OTULIN: variants seen among roughly 807,000 people sequenced by gnomAD.
The protein encoded by OTULIN is OTU deubiquitinase with linear linkage specificity.
A neutral mutation model predicts 39.6 loss-of-function variants in OTULIN; 15 were observed. The observed-to-expected ratio is 0.38, with a 90% CI of 0.25 to 0.58. The LOEUF (loss-of-function observed/expected upper bound fraction) is 0.58, where lower values mean the gene tolerates loss of function less well. Ranked by LOEUF, OTULIN falls within the 20% of genes least tolerant of loss-of-function variation. OTULIN has a pLI of 0.66. For synonymous variants in OTULIN, 156 were observed against 170.3 expected, an observed-to-expected ratio of 0.92 and a Z score of 0.65; for missense variants, 319 against 445.9, an observed-to-expected ratio of 0.72 and a Z score of 2.56.
At position 14,690,370 on chromosome 5, in the gene OTULIN, A is replaced by G; in HGVS notation, c.864+62A>G. 2 of 1,562,236 alleles carry G rather than the reference A, an allele frequency of 1.3e-6. No individual in the cohort carries two copies. Among genetic ancestry groups the G allele is most frequent in the East Asian group, 4.5e-5 (2 of 44,400 alleles). ...AAAGCAGCTTTACTGATCAAACTTGATGTCACAGTTTTTGTAGGTCAGAAA... is the reference window on the plus strand; with the variant it reads ...AAAGCAGCTTTACTGATCAAACTTGGTGTCACAGTTTTTGTAGGTCAGAAA... On this transcript the variant is annotated intron_variant, in intron 6 of 6. Transcript: ENST00000284274. This position sits in a 1 kb window ranked among gnomAD's most constrained non-coding sequence, Gnocchi z 4.5.
At position 14,690,265 on chromosome 5, in the gene OTULIN, G is replaced by A; in HGVS notation, c.821G>A (p.Arg274Lys). ...TCAAATGACCCAGGACAGCTTCTGAGGAACCACCTCAACCAGGTGGGACAC... is the reference window on the plus strand; with the variant it reads ...TCAAATGACCCAGGACAGCTTCTGAAGAACCACCTCAACCAGGTGGGACAC... ...DTSNDPGQLLRNHLNQVGHTG... is the reference protein window; with the variant it reads ...DTSNDPGQLLKNHLNQVGHTG... Residue 274 changes from arginine (R) to lysine (K), a missense_variant, in exon 6 of 7, where the codon AGG becomes AAG. By Grantham distance (26) the Arg-to-Lys change is conservative. This residue lies in a region of OTULIN where 106 missense variants were observed against 192.8 expected (regional missense o/e 0.55). Coordinates refer to ENST00000284274, the MANE Select transcript of OTULIN (RefSeq NM_138348.6). This position sits in a 1 kb window ranked among gnomAD's most constrained non-coding sequence, Gnocchi z 4.5. 6.2e-7 allele frequency: 1 copy of A among 1,614,160 alleles called. No homozygotes were observed. Among genetic ancestry groups the A allele is most frequent in the Non-Finnish European group, 8.5e-7 (1 of 1,180,036 alleles).
rs1736031590 is a variant in OTULIN at position 14,673,663 on chromosome 5, T to C, written c.174T>C (p.Ala58=). 2 of 1,613,850 alleles carry C rather than the reference T, an allele frequency of 1.2e-6. No homozygotes were observed. Among genetic ancestry groups the C allele is most frequent in the East Asian group, 2.2e-5 (1 of 44,812 alleles). Residue 58 remains alanine (A), a synonymous_variant, in exon 2 of 7, where the codon GCT becomes GCC. Transcript: ENST00000284274. ...TCAGTGAGGAGGACATGTACCGTGC[T>C]GCAGATGAAATAGAAAAGGAGAAAG... ...PAEHEEDMYR[A]ADEIEKEKEL...
chr5:14,703,633 A>T (rs1462758053), downstream of OTULIN, among the ~76,000 whole-genome samples: 1 of 151,816 alleles, frequency 6.6e-6, no homozygotes, highest in African/African-American at 2.4e-5. Flanking sequence ...TAAGAGTACC[A>T]CTCCCCACAG....
At chr5:14,684,003 T>A (rs1474944891) in intron 4 of OTULIN, among the ~76,000 whole-genome samples, 2 of 152,184 alleles carry the variant, frequency 1.3e-5, no homozygotes, top group Non-Finnish European at 2.9e-5. Context: ...GGTTTTAAGG[T>A]GGTTTTTCTG....
At position 14,693,101 on chromosome 5, in the gene OTULIN, C is replaced by T. The variant is rs1282210153; in HGVS notation, c.*53C>T. 2.0e-6 allele frequency: 3 copies of T among 1,518,562 alleles called. No individual in the cohort carries two copies. The highest frequency in any genetic ancestry group is 2.5e-5 in the East Asian group (1 of 40,564). 94.1% of individuals were successfully genotyped at this position (1,518,562 alleles called of 1,614,324 possible). On this transcript the variant is annotated 3_prime_UTR_variant, in exon 7 of 7. Coordinates refer to ENST00000284274, the MANE Select transcript of OTULIN (RefSeq NM_138348.6). ...ACGTGGCGAAGATGCACAGGTGGCT[C>T]CTGGGCTTGGGCTGCAGGTTTGGGG...
At chr5:14,665,280 T>G (rs1279734603) in intron 1 of OTULIN, among the ~76,000 whole-genome samples, 2 of 152,220 alleles carry the variant, frequency 1.3e-5, no homozygotes, top group African/African-American at 4.8e-5. Flanking sequence ...AGAAGTGATG[T>G]ATTTTATTAC....
chr5:14,699,266 C>T lies in OTULIN; in HGVS notation c.*6218C>T, dbSNP rs2126359396. 6.6e-6 allele frequency: 1 copy of T among 152,362 alleles called. No individual in the cohort carries two copies. The highest frequency in any genetic ancestry group is 1.9e-4 in the East Asian group (1 of 5,192). 9.4% of individuals were successfully genotyped at this position (152,362 alleles called of 1,614,324 possible). A position where few individuals can be genotyped will look rare whatever the true frequency, so the allele number is the denominator to read the frequency against. On this transcript the variant is annotated 3_prime_UTR_variant, in exon 7 of 7. Coordinates refer to ENST00000284274, the MANE Select transcript of OTULIN (RefSeq NM_138348.6). ...TCCTCTGAAGAGGGGGAAGACTGGA[C>T]TTTCAGAAGTATGTTGGGGATAGAG... is the stretch of plus-strand genomic sequence containing the variant.
At chr5:14,679,337 A>G (rs1736186659) in intron 3 of OTULIN, among the ~76,000 whole-genome samples, 1 of 152,182 alleles carries the variant, frequency 6.6e-6, no homozygotes, top group Admixed American at 6.5e-5. Flanking sequence ...CTCAGACACC[A>G]TGGCCTACAT....
At chr5:14,708,047 A>G in the OTULIN span, 1 of 152,142 alleles carries the variant, frequency 6.6e-6, no homozygotes. Context: ...GTCCAATCCT[A>G]CCGTGACTTT....
intron 4 of OTULIN, among the ~76,000 whole-genome samples, chr5:14,684,027 A>T (rs1029420743): frequency 3.9e-5 from 6 of 152,226 alleles, no homozygotes; most frequent in Admixed American, 2.0e-4. Flanking sequence ...TAATTTGAGT[A>T]ATGTGAAAAT....
chr5:14,686,319 G>T, intron 4 of OTULIN, among the ~76,000 whole-genome samples: 1 of 151,192 alleles, frequency 6.6e-6, no homozygotes, highest in Non-Finnish European at 1.5e-5. Context: ...TAATTTTTTG[G>T]GGATGAGGTC....
chr5:14,692,398 A>AT (rs1292447830), intron 6 of OTULIN, among the ~76,000 whole-genome samples: 1 of 152,166 alleles, frequency 6.6e-6, no homozygotes, highest in Non-Finnish European at 1.5e-5. Flanking sequence ...GCCATTCCCC[A>AT]TTATCATCTT....
At chr5:14,683,220 C>T (rs1052936619) in intron 4 of OTULIN, among the ~76,000 whole-genome samples, 4 of 151,560 alleles carry the variant, frequency 2.6e-5, no homozygotes, top group African/African-American at 9.7e-5. Flanking sequence ...CAAGTCCAGC[C>T]TGGGCAACAT....
chr5:14,674,857 C>T (rs1736066294), intron 2 of OTULIN, among the ~76,000 whole-genome samples: 1 of 152,210 alleles, frequency 6.6e-6, no homozygotes, highest in Non-Finnish European at 1.5e-5. Flanking sequence ...TTGGACTCAT[C>T]CCTAAAGAAC....
chr5:14,710,514 C>T, the OTULIN span: 2 of 154,518 alleles, frequency 1.3e-5, no homozygotes, highest in African/African-American at 4.8e-5. Context: ...TCAACCATGT[C>T]AGTTTGCTGC....
chr5:14,677,331 T>A (rs1424137013), intron 2 of OTULIN, among the ~76,000 whole-genome samples: 1 of 152,198 alleles, frequency 6.6e-6, no homozygotes, highest in Non-Finnish European at 1.5e-5. Flanking sequence ...TTTGGTACAT[T>A]TTAGACACTC....
intron 1 of OTULIN, among the ~76,000 whole-genome samples, chr5:14,666,777 A>G (rs1163125289): frequency 6.6e-6 from 1 of 152,170 alleles, no homozygotes; most frequent in Non-Finnish European, 1.5e-5. Flanking sequence ...TCATGTCTCA[A>G]GTTTTGGACT....
At chr5:14,675,014 C>T (rs1359240863) in intron 2 of OTULIN, among the ~76,000 whole-genome samples, 1 of 152,170 alleles carries the variant, frequency 6.6e-6, no homozygotes, top group African/African-American at 2.4e-5. Flanking sequence ...AGGTGGATGC[C>T]TAATGATTTC....
intron 2 of OTULIN, among the ~76,000 whole-genome samples, chr5:14,674,301 A>C (rs933711505): frequency 7.2e-5 from 11 of 152,242 alleles, no homozygotes; most frequent in Non-Finnish European, 1.3e-4. Flanking sequence ...GCAAAGTTGC[A>C]TGTGACGTAC....
Sources: gnomAD v4.1 joint callset for allele counts (sites outside exome capture counted in the v4.1 genomes callset) on GRCh38, gnomAD v4.1.1 for gene constraint, gnomAD v4.1.1 regional missense constraint, Gnocchi (gnomAD v3.1) non-coding constraint, MANE v1.5 for transcripts, NCBI Gene and HGNC (gene_info 2026-07-23, HGNC 2026-07-21) for gene names.